PRKG1: variants seen among roughly 807,000 people sequenced by gnomAD.
The protein encoded by PRKG1 is cGMP-dependent protein kinase 1.
A neutral mutation model predicts 88.1 loss-of-function variants in PRKG1; 35 were observed. That is an observed-to-expected ratio of 0.40 (90% confidence interval 0.30 to 0.53). The LOEUF (loss-of-function observed/expected upper bound fraction) is 0.53, where lower values mean the gene tolerates loss of function less well. Ranked by LOEUF, PRKG1 falls within the 20% of genes least tolerant of loss-of-function variation. The pLI is 0.59. For synonymous variants in PRKG1, 303 were observed against 292.5 expected (o/e 1.04, Z -0.37); for missense variants, 540 against 839.8 (o/e 0.64, Z 4.41).
intron 1 of PRKG1, among the ~76,000 whole-genome samples, chr10:51,045,720 T>C (rs1321798997): frequency 6.6e-6 from 1 of 152,242 alleles, no homozygotes; most frequent in Non-Finnish European, 1.5e-5. Flanking sequence ...TTTATCTTTT[T>C]TAAACTAAAT....
intron 1 of PRKG1, among the ~76,000 whole-genome samples, chr10:51,145,723 C>T (rs1845930050): frequency 6.6e-6 from 1 of 152,080 alleles, no homozygotes; most frequent in Non-Finnish European, 1.5e-5. Flanking sequence ...TTTTCTTTTT[C>T]CTCAATTAAT....
At chr10:52,068,202 CAA>C (rs71032621) in intron 7 of PRKG1, among the ~76,000 whole-genome samples, 671 of 38,782 alleles carry the variant, frequency 0.017, 3 homozygotes, top group African/African-American at 0.053. Context: ...AACTCCGTCT[CAA>C]AAAAAAAAAA....
chr10:51,392,031 A>G (rs1038439944), intron 2 of PRKG1, among the ~76,000 whole-genome samples: 2 of 152,356 alleles, frequency 1.3e-5, no homozygotes, highest in African/African-American at 4.8e-5. Context: ...ATAAGCAAAA[A>G]TCCCACAGAA....
At chr10:51,698,751 G>GCCCTGGAGCTGGAATTCCA (rs746584197) in intron 3 of PRKG1, 1 of 1,614,184 alleles carries the variant, frequency 6.2e-7, no homozygotes. Flanking sequence ...GCTGGTATTG[G>GCCCTGGAGCTGGAATTCCA]CCCTGGAGCT....
chr10:51,961,137 T>C (rs1843436939), intron 5 of PRKG1, among the ~76,000 whole-genome samples: 2 of 152,188 alleles, frequency 1.3e-5, no homozygotes, highest in African/African-American at 4.8e-5. Context: ...GAGAAGGATA[T>C]TATTTCTACA....
At chr10:51,993,461 G>T (rs1002729301) in intron 5 of PRKG1, among the ~76,000 whole-genome samples, 7 of 152,270 alleles carry the variant, frequency 4.6e-5, no homozygotes, top group Non-Finnish European at 8.8e-5. Context: ...CTTATTTTAT[G>T]TAATGCTTAT....
chr10:51,827,739 G>A (rs573718835), intron 4 of PRKG1, among the ~76,000 whole-genome samples: 1 of 152,174 alleles, frequency 6.6e-6, no homozygotes, highest in East Asian at 1.9e-4. Context: ...CTGGAAAAAT[G>A]CCATCTTATA....
rs1314919046 is a variant in PRKG1, at chr10:52,184,542, C to T, written c.1076+22579C>T. 3.9e-5 allele frequency: 6 copies of T among 152,146 alleles called. No homozygotes were observed. The South Asian group carries it at 1.0e-3, about 26-fold the overall frequency. 9.4% of individuals were successfully genotyped at this position (152,146 alleles called of 1,614,324 possible). ...ATTTTTTGTAATCTTAGCAATGTTACAGCTATACATAAAAATAAGGGATTT... is the reference window on the plus strand; with the variant it reads ...ATTTTTTGTAATCTTAGCAATGTTATAGCTATACATAAAAATAAGGGATTT... On this transcript the variant is annotated intron_variant, in intron 9 of 17. Transcript: ENST00000373980.
intron 3 of PRKG1, among the ~76,000 whole-genome samples, chr10:51,522,582 A>G (rs559592341): frequency 6.6e-6 from 1 of 152,256 alleles, no homozygotes; most frequent in African/African-American, 2.4e-5. Flanking sequence ...TTCTTAAATG[A>G]TGTTTTGGGG....
At chr10:51,046,605 G>T (rs142075420) in intron 1 of PRKG1, among the ~76,000 whole-genome samples, 96 of 152,254 alleles carry the variant, frequency 6.3e-4, no homozygotes, top group African/African-American at 2.0e-3. Flanking sequence ...GCAGAGAGAC[G>T]ACAGGTCTTA....
In PRKG1 at chr10:51,856,856, C is replaced by T. The variant is rs553493288; in HGVS notation, c.699-50651C>T. Among the ~76,000 whole-genome samples the T allele has an allele frequency of 6.6e-5, 10 of 150,814 alleles. No individual in the cohort carries two copies. The East Asian group carries it at 1.8e-3, about 27-fold the overall frequency. On this transcript the variant is annotated intron_variant, in intron 4 of 17. Transcript: ENST00000373980. The stretch of plus-strand genomic sequence containing the variant: ...GGCGGGTGCCTTAGTCCCAGCTGCT[C>T]GGGAGGCTGAGGCAGGAGAATGGAG...
intron 2 of PRKG1, among the ~76,000 whole-genome samples, chr10:51,167,649 G>A (rs1224812000): frequency 6.6e-6 from 1 of 152,168 alleles, no homozygotes; most frequent in Non-Finnish European, 1.5e-5. Flanking sequence ...TGCCAAGATG[G>A]CAGTGTGGGA....
intron 2 of PRKG1, among the ~76,000 whole-genome samples, chr10:51,353,885 T>TTGGAGCAACCTAA (rs1554798618): frequency 9.3e-4 from 141 of 152,170 alleles, no homozygotes; most frequent in Non-Finnish European, 1.3e-3. Flanking sequence ...AGCCAAGATT[T>TTGGAGCAACCTAA]GTGTTCATCA....
At chr10:52,182,570 CTA>C (rs1839067590) in intron 9 of PRKG1, among the ~76,000 whole-genome samples, 2 of 128,948 alleles carry the variant, frequency 1.6e-5, no homozygotes, top group Non-Finnish European at 3.3e-5. Flanking sequence ...GGTTGTAGGT[CTA>C]ACGTTTAAAT....
At chr10:52,044,453 T>G (rs995314562) in intron 5 of PRKG1, among the ~76,000 whole-genome samples, 2 of 152,166 alleles carry the variant, frequency 1.3e-5, no homozygotes, top group African/African-American at 4.8e-5. Flanking sequence ...ACGACAGAAC[T>G]CCAATACAAG....
chr10:51,923,959 G>A (rs1189365121), intron 5 of PRKG1, among the ~76,000 whole-genome samples: 1 of 151,794 alleles, frequency 6.6e-6, no homozygotes, highest in Non-Finnish European at 1.5e-5. Context: ...CTCTTGAGTA[G>A]CTGGACCACA....
At chr10:51,609,395 G>A (rs1838846711) in intron 3 of PRKG1, among the ~76,000 whole-genome samples, 1 of 152,146 alleles carries the variant, frequency 6.6e-6, no homozygotes, top group Non-Finnish European at 1.5e-5. Flanking sequence ...TGGTGAGAAT[G>A]TAAATTAGTT....
At chr10:52,007,247 C>A (rs1844760713) in intron 5 of PRKG1, among the ~76,000 whole-genome samples, 1 of 152,108 alleles carries the variant, frequency 6.6e-6, no homozygotes, top group South Asian at 2.1e-4. Flanking sequence ...ACTACCATCA[C>A]AATGACAGGA....
At chr10:51,347,893 C>G (rs1232722423) in intron 2 of PRKG1, among the ~76,000 whole-genome samples, 1 of 124,332 alleles carries the variant, frequency 8.0e-6, no homozygotes, top group African/African-American at 3.1e-5. Context: ...AACCCCTTCT[C>G]TACTAAAAAT....
Sources: allele counts gnomAD v4.1 joint callset (sites outside exome capture counted in the v4.1 genomes callset), GRCh38; gene constraint gnomAD v4.1.1; transcripts MANE v1.5; gene names NCBI Gene and HGNC (gene_info 2026-07-23, HGNC 2026-07-21).